SLC9C2: variants seen among roughly 807,000 people sequenced by gnomAD.
The protein encoded by SLC9C2 is solute carrier family 9 member C2 (putative), also known as sodium/hydrogen exchanger 11.
Under a neutral mutation model 140.2 loss-of-function variants are expected in SLC9C2, and 75 were observed. That is an observed-to-expected ratio of 0.53 (90% CI 0.44 to 0.65). The LOEUF (loss-of-function observed/expected upper bound fraction) is 0.65, where lower values mean the gene tolerates loss of function less well. Among genes scored for constraint, SLC9C2 ranks in the 30% least tolerant of loss-of-function variants. The pLI is 0.00. For missense variants in SLC9C2, 1,074 were observed against 1,331.8 expected (o/e 0.81, Z 3.01); for synonymous variants, 375 against 420.9 (o/e 0.89, Z 1.34).
intron 13 of SLC9C2, among the ~76,000 whole-genome samples, chr1:173,541,305 C>T (rs1427356426): frequency 6.6e-6 from 1 of 152,084 alleles, no homozygotes; most frequent in East Asian, 1.9e-4. Flanking sequence ...ACAAGAAGAG[C>T]TAACTATCCT....
chr1:173,535,541 A>G (rs1330591538), intron 15 of SLC9C2, among the ~76,000 whole-genome samples: 1 of 152,186 alleles, frequency 6.6e-6, no homozygotes, highest in African/African-American at 2.4e-5. Context: ...TGTTATATCC[A>G]GAAGAATATT....
intron 3 of SLC9C2, among the ~76,000 whole-genome samples, chr1:173,599,190 C>T (rs537457231): frequency 1.3e-5 from 2 of 151,906 alleles, no homozygotes; most frequent in South Asian, 4.2e-4. Context: ...GAGATCTCAG[C>T]TCACTGCAAG....
At chr1:173,578,736 T>G (rs79305449) in intron 7 of SLC9C2, among the ~76,000 whole-genome samples, 198 of 152,316 alleles carry the variant, frequency 1.3e-3, no homozygotes, top group African/African-American at 4.2e-3. Flanking sequence ...ATTCCTTGGC[T>G]TATAGCTGGT....
At position 173,521,308 on chromosome 1, in the gene SLC9C2, A is replaced by C; in HGVS notation, c.2732T>G (p.Met911Arg). The C allele has an allele frequency of 6.6e-7, 1 of 1,515,560 alleles. No individual in the cohort carries two copies. The highest frequency in any genetic ancestry group is 8.8e-7 in the Non-Finnish European group (1 of 1,135,014). The allele number at this position is 1,515,560 out of a possible 1,614,324, so 93.9% of individuals were successfully genotyped here. Reference protein sequence around the residue: ...PQGIYLIISGMAILHSLSPTF... With the variant: ...PQGIYLIISGRAILHSLSPTF... ...AAATCAATAGTCCCTTACAATTGCC[A>C]TTCCTGAAATAATTAAGTAGATTCC... is the stretch of plus-strand genomic sequence containing the variant. Residue 911 changes from methionine (M) to arginine (R), a missense_variant, in exon 22 of 28, where the codon ATG becomes AGG. Transcript: ENST00000367714.
chr1:173,535,581 G>C (rs1235135227), intron 15 of SLC9C2, among the ~76,000 whole-genome samples: 2 of 152,082 alleles, frequency 1.3e-5, no homozygotes, highest in Non-Finnish European at 2.9e-5. Context: ...ACAACCCTCA[G>C]ACACAGCAAT....
At chr1:173,559,594 C>T (rs1413179970) in intron 9 of SLC9C2, among the ~76,000 whole-genome samples, 1 of 152,214 alleles carries the variant, frequency 6.6e-6, no homozygotes, top group Non-Finnish European at 1.5e-5. Flanking sequence ...GAGTGGTCTC[C>T]CATGCAGCCC....
At chr1:173,570,228 A>G (rs1664756205) in intron 9 of SLC9C2, among the ~76,000 whole-genome samples, 1 of 152,048 alleles carries the variant, frequency 6.6e-6, no homozygotes, top group African/African-American at 2.4e-5. Context: ...TATTGCTGTT[A>G]TTTACTCAAG....
chr1:173,552,292 C>A (rs1314638506), intron 11 of SLC9C2, among the ~76,000 whole-genome samples: 1 of 152,152 alleles, frequency 6.6e-6, no homozygotes, highest in Admixed American at 6.5e-5. Flanking sequence ...GAAGCTGCAG[C>A]AAGTTATCCA....
chr1:173,577,335 A>C (rs1665242969), intron 7 of SLC9C2, among the ~76,000 whole-genome samples: 1 of 152,002 alleles, frequency 6.6e-6, no homozygotes, highest in Non-Finnish European at 1.5e-5. Context: ...GCTTCTGATG[A>C]CTCCAGTTCC....
At chr1:173,602,351 T>G (rs1666837835) in intron 1 of SLC9C2, among the ~76,000 whole-genome samples, 1 of 152,188 alleles carries the variant, frequency 6.6e-6, no homozygotes, top group African/African-American at 2.4e-5. Context: ...ATCTTTTTCT[T>G]CTCTCAGCAC....
chr1:173,586,156 A>G (rs1665839928), intron 5 of SLC9C2, among the ~76,000 whole-genome samples: 1 of 152,184 alleles, frequency 6.6e-6, no homozygotes, highest in Non-Finnish European at 1.5e-5. Flanking sequence ...AAATGGTTGA[A>G]AGAATAAGAC....
intron 11 of SLC9C2, among the ~76,000 whole-genome samples, chr1:173,551,720 C>T (rs1015507835): frequency 2.0e-5 from 3 of 152,268 alleles, no homozygotes; most frequent in South Asian, 2.1e-4. Flanking sequence ...CTCAGACTGG[C>T]CATTTCTGCA....
intron 13 of SLC9C2, among the ~76,000 whole-genome samples, chr1:173,537,983 A>C (rs778873263): frequency 5.3e-5 from 8 of 152,206 alleles, no homozygotes; most frequent in Non-Finnish European, 8.8e-5. Context: ...ACTGCATTTA[A>C]CACATTTTCT....
chr1:173,548,519 A>G lies in SLC9C2; in HGVS notation c.1331T>C (p.Ile444Thr). 2 of 1,613,824 alleles carry G rather than the reference A, an allele frequency of 1.2e-6. No homozygotes were observed. The highest frequency in any genetic ancestry group is 1.7e-6 in the Non-Finnish European group (2 of 1,179,770). The change falls in exon 12 of 28, where the codon ATC (isoleucine) becomes ACC (threonine). Residue 444 changes from isoleucine to threonine, a missense_variant. Physicochemically the swap from Ile to Thr is moderately conservative, Grantham distance 89. Transcript: ENST00000367714. ...TATGTGCTGAGTGGCATTTTGCAAGATCATTTGTCTTGGGAGGGAAAGAAC... is the reference window on the plus strand; with the variant it reads ...TATGTGCTGAGTGGCATTTTGCAAGGTCATTTGTCTTGGGAGGGAAAGAAC... Reference protein sequence around the residue: ...LCVLSLPRQMILQNATQHIQE... With the variant: ...LCVLSLPRQMTLQNATQHIQE...
intron 23 of SLC9C2, among the ~76,000 whole-genome samples, chr1:173,510,864 C>T (rs1659995304): frequency 6.6e-6 from 1 of 151,962 alleles, no homozygotes; most frequent in Admixed American, 6.6e-5. Context: ...AATGGGATTG[C>T]TGGGTCAAAT....
At chr1:173,514,512 T>A (rs12071352) in intron 23 of SLC9C2, among the ~76,000 whole-genome samples, 8,277 of 152,106 alleles carry the variant, frequency 0.054, 750 homozygotes, top group African/African-American at 0.19. Context: ...TGCTTGGTAA[T>A]TTTTCCTCCA....
chr1:173,547,775 C>T lies in SLC9C2; in HGVS notation c.1471G>A (p.Val491Ile), dbSNP rs772267214. ...TRIEYIPFSH[V>I]SHNDMKTEST... is the part of the protein sequence containing the mutation. ...TCTGTCTTCATATCATTATGTGAAACGTGGGAAAACTGAACCGTATCAGAT... is the reference window on the plus strand; with the variant it reads ...TCTGTCTTCATATCATTATGTGAAATGTGGGAAAACTGAACCGTATCAGAT... The change falls in exon 13 of 28, where the codon GTT becomes ATT. Residue 491 changes from valine (V) to isoleucine (I), a missense_variant. Transcript: ENST00000367714. 41 of 1,607,744 alleles carry T rather than the reference C, an allele frequency of 2.6e-5. No homozygotes were observed. The highest frequency in any genetic ancestry group is 2.0e-4 in the African/African-American group (15 of 74,660).
chr1:173,535,722 C>A, intron 15 of SLC9C2, 108 bp downstream of exon 15: 1 of 1,287,798 alleles, frequency 7.8e-7, no homozygotes, highest in Non-Finnish European at 1.0e-6. Context: ...TGAAAATAAA[C>A]CATAATATAG....
chr1:173,507,603 T>C (rs573172576), intron 24 of SLC9C2, among the ~76,000 whole-genome samples: 1 of 152,244 alleles, frequency 6.6e-6, no homozygotes, highest in South Asian at 2.1e-4. Context: ...TTGAAATGGG[T>C]CATTGCAGAT....
Sources: allele counts gnomAD v4.1 joint callset (sites outside exome capture counted in the v4.1 genomes callset), GRCh38; gene constraint gnomAD v4.1.1; transcripts MANE v1.5; gene names NCBI Gene and HGNC (gene_info 2026-07-23, HGNC 2026-07-21).